TKFC: variants seen among roughly 807,000 people sequenced by gnomAD.
TKFC encodes triokinase and FMN cyclase.
In TKFC, 46 loss-of-function variants were observed where a neutral mutation model predicts 61.0. That is an observed-to-expected ratio of 0.75 (90% CI 0.60 to 0.96). TKFC has a LOEUF of 0.96. Among genes scored for constraint, TKFC ranks in the 50% least tolerant of loss-of-function variants. The pLI, the probability that TKFC is intolerant of heterozygous loss-of-function variation, is 0.00. For missense variants in TKFC, 715 were observed against 777.5 expected, an observed-to-expected ratio of 0.92 and a Z score of 0.96; for synonymous variants, 314 against 330.1, an observed-to-expected ratio of 0.95 and a Z score of 0.53.
At chr11:61,353,044 G>A (rs1158438018), downstream of TKFC, 1 of 1,614,074 alleles carries the variant, frequency 6.2e-7, no homozygotes, top group Non-Finnish European at 8.5e-7. Context: ...ACAGAGAGAG[G>A]ATGGCGGCTC....
chr11:61,346,816 G>C lies in TKFC; in HGVS notation c.*313G>C. On this transcript the variant is annotated 3_prime_UTR_variant, in exon 18 of 18. Coordinates refer to ENST00000394900, the MANE Select transcript of TKFC (RefSeq NM_015533.4). The surrounding 1 kb of genome is among the most constrained non-coding windows in gnomAD (Gnocchi z 4.1). The stretch of plus-strand genomic sequence containing the variant: ...ATTTTCCTTGTGCAGCCTTTACCTG[G>C]CAATCCTAATTTGGTTTTAAGACTC... The C allele has an allele frequency of 8.9e-7, 1 of 1,120,082 alleles. No homozygotes were observed. Among genetic ancestry groups the C allele is most frequent in the Non-Finnish European group, 1.1e-6 (1 of 916,128 alleles). 69.4% of individuals were successfully genotyped at this position (1,120,082 alleles called of 1,614,324 possible). A position where few individuals can be genotyped will look rare whatever the true frequency, so the allele number is the denominator to read the frequency against.
At position 61,335,154 on chromosome 11, in the gene TKFC, C is replaced by T. The variant is rs564327622; in HGVS notation, c.3+423C>T. Among the ~76,000 whole-genome samples, 7 of 152,336 alleles carry T rather than the reference C, an allele frequency of 4.6e-5. No individual in the cohort carries two copies. In the South Asian group the frequency reaches 1.4e-3, roughly 32 times the overall value. On this transcript the variant is annotated intron_variant, in intron 2 of 17. Coordinates refer to ENST00000394900, the MANE Select transcript of TKFC (RefSeq NM_015533.4). ...ACAGTGTGGGAGGCTGGCCATGTCC[C>T]TGGGCTTTGCTCCAGGCCCACTGAT...
chr11:61,342,104 T>C (rs1196198277), intron 7 of TKFC, among the ~76,000 whole-genome samples, 192 bp downstream of exon 7: 1 of 152,218 alleles, frequency 6.6e-6, no homozygotes, highest in Non-Finnish European at 1.5e-5. Flanking sequence ...CCCACAGCTT[T>C]GGCCATGTGG....
At chr11:61,351,119 G>A (rs1313102588), downstream of TKFC, 3 of 1,613,686 alleles carry the variant, frequency 1.9e-6, no homozygotes, top group South Asian at 1.1e-5. Flanking sequence ...TCACTGGGCA[G>A]GCTGTGGTAT....
intron 3 of TKFC, among the ~76,000 whole-genome samples, chr11:61,338,378 G>A (rs557799314): frequency 3.2e-4 from 49 of 152,214 alleles, no homozygotes; most frequent in South Asian, 1.0e-3. Context: ...TCTGAGAGTC[G>A]GTGATTCCAT....
At chr11:61,349,469 AAGG>A (rs1857293224), downstream of TKFC, 3 of 690,732 alleles carry the variant, frequency 4.3e-6, no homozygotes, top group Non-Finnish European at 8.0e-6. Flanking sequence ...CTGATCCAGC[AAGG>A]AGAAGTAGAG....
chr11:61,342,407 A>T (rs537159887), intron 7 of TKFC, 54 bp from the exon 8 acceptor site: 121 of 1,612,508 alleles, frequency 7.5e-5, no homozygotes, highest in Non-Finnish European at 9.4e-5. Flanking sequence ...GATAAAAACG[A>T]TGAGCAAATC....
rs763119082 is a variant in TKFC, at chr11:61,347,713, T to C, written c.*1210T>C. ...GTGGTTAAAGGCACTGGCTGTCGAC[T>C]CATACACATGATCTGAAATCTGATT... On this transcript the variant is annotated 3_prime_UTR_variant, in exon 18 of 18. Transcript: ENST00000394900. 1 of 985,146 alleles carries C rather than the reference T, an allele frequency of 1.0e-6. No individual in the cohort carries two copies. Among genetic ancestry groups the C allele is most frequent in the South Asian group, 4.7e-5 (1 of 21,282 alleles). The allele number at this position is 985,146 out of a possible 1,614,324, so 61.0% of individuals were successfully genotyped here. A position where few individuals can be genotyped will look rare whatever the true frequency, so the allele number is the denominator to read the frequency against.
At chr11:61,339,028 C>T in intron 3 of TKFC, 38 bp from the exon 4 acceptor site, 1 of 1,581,766 alleles carries the variant, frequency 6.3e-7, no homozygotes, top group South Asian at 1.1e-5. Context: ...AGGCGCGAGT[C>T]CCACCCAGCA....
At chr11:61,350,033 C>T (rs1038665312), downstream of TKFC, 7 of 491,360 alleles carry the variant, frequency 1.4e-5, no homozygotes, top group Admixed American at 3.4e-5. Context: ...AGGAGGACCT[C>T]GTGTGAATGG....
chr11:61,340,007 T>A (rs896505773), intron 5 of TKFC, among the ~76,000 whole-genome samples: 2 of 151,862 alleles, frequency 1.3e-5, no homozygotes, highest in Non-Finnish European at 2.9e-5. Context: ...TTATTTATTT[T>A]TTATTTATTT....
rs1857253235 is a variant in TKFC, at chr11:61,348,590, A to G, written c.*2087A>G. 2.6e-6 allele frequency: 2 copies of G among 756,700 alleles called. No individual in the cohort carries two copies. The highest frequency in any genetic ancestry group is 3.2e-6 in the Non-Finnish European group (2 of 620,776). 46.9% of individuals were successfully genotyped at this position (756,700 alleles called of 1,614,324 possible). A position where few individuals can be genotyped will look rare whatever the true frequency, so the allele number is the denominator to read the frequency against. On this transcript the variant is annotated 3_prime_UTR_variant, in exon 18 of 18. Coordinates refer to ENST00000394900, the MANE Select transcript of TKFC (RefSeq NM_015533.4). ...GCCTTTGGGAGGTGATGGGGTTATG[A>G]GGGTGGAGCCCCAGAGAGCTCTCAC...
downstream of TKFC, chr11:61,351,361 C>CTCACTGCA: frequency 2.4e-6 from 1 of 412,328 alleles, no homozygotes; most frequent in South Asian, 3.9e-5. Context: ...ACGATCTCGG[C>CTCACTGCA]TCACTGCAAG....
chr11:61,337,862 A>G, intron 2 of TKFC, 79 bp from the exon 3 acceptor site: 1 of 1,403,638 alleles, frequency 7.1e-7, no homozygotes, highest in Non-Finnish European at 9.6e-7. Flanking sequence ...AGGGGTCTAC[A>G]CCACAGCAGT....
intron 5 of TKFC, among the ~76,000 whole-genome samples, chr11:61,339,828 C>A (rs1470703791): frequency 6.6e-6 from 1 of 152,116 alleles, no homozygotes; most frequent in Non-Finnish European, 1.5e-5. Context: ...CTCATCCATT[C>A]TCCACACTAC....
chr11:61,349,693 C>G (rs1565064161), downstream of TKFC: 2 of 701,580 alleles, frequency 2.9e-6, no homozygotes, highest in Admixed American at 2.0e-5. Flanking sequence ...CACAGAGCAG[C>G]AATACGAAAC....
intron 11 of TKFC, 169 bp downstream of exon 11, chr11:61,343,627 A>G (rs1856971794): frequency 8.2e-6 from 7 of 850,694 alleles, no homozygotes; most frequent in Non-Finnish European, 7.3e-6. Context: ...ACTGGACTAG[A>G]AGGAGTTGGT....
chr11:61,345,643 T>C, intron 15 of TKFC, 69 bp from the exon 16 acceptor site: 1 of 1,613,626 alleles, frequency 6.2e-7, no homozygotes, highest in Non-Finnish European at 8.5e-7. Context: ...TGCCAGGCCC[T>C]AGCCCAACCC....
In TKFC at chr11:61,348,223, C is replaced by G. The variant is rs1857235746; in HGVS notation, c.*1720C>G. ...CTCAACCTAGTCACCCTTTTTGAGT[C>G]TTGTTTTCTCAGATTATGAAATAGG... On this transcript the variant is annotated 3_prime_UTR_variant, in exon 18 of 18. Coordinates refer to ENST00000394900, the MANE Select transcript of TKFC (RefSeq NM_015533.4). The G allele has an allele frequency of 1.0e-6, 1 of 985,260 alleles. No homozygotes were observed. Among genetic ancestry groups the G allele is most frequent in the Non-Finnish European group, 1.2e-6 (1 of 829,926 alleles). The allele number at this position is 985,260 out of a possible 1,614,324, so 61.0% of individuals were successfully genotyped here. A position where few individuals can be genotyped will look rare whatever the true frequency, so the allele number is the denominator to read the frequency against.
Sources: gnomAD v4.1 joint callset for allele counts (sites outside exome capture counted in the v4.1 genomes callset) on GRCh38, gnomAD v4.1.1 for gene constraint, Gnocchi (gnomAD v3.1) non-coding constraint, MANE v1.5 for transcripts, NCBI Gene and HGNC (gene_info 2026-07-23, HGNC 2026-07-21) for gene names.